Variants in GTF2I observed in about 807,000 individuals in gnomAD.
The protein encoded by GTF2I is general transcription factor IIi.
In GTF2I, 12 loss-of-function variants were observed where a neutral mutation model predicts 67.6. The observed-to-expected ratio is 0.18, with a 90% confidence interval of 0.11 to 0.29. The LOEUF is 0.29. GTF2I is among the 10% of genes least tolerant of loss of function. GTF2I has a pLI of 1.00. For missense variants in GTF2I, 271 were observed against 580.1 expected (o/e 0.47, Z 5.47); for synonymous variants, 149 against 197.0 (o/e 0.76, Z 2.04).
intron 3 of GTF2I, among the ~76,000 whole-genome samples, chr7:74,697,717 T>C (rs1789080959): frequency 6.6e-6 from 1 of 152,174 alleles, no homozygotes; most frequent in South Asian, 2.1e-4. Context: ...TTCATCTAAG[T>C]ATTTTAGATT....
At chr7:74,720,811 C>T (rs926702712) in intron 12 of GTF2I, among the ~76,000 whole-genome samples, 30 of 143,868 alleles carry the variant, frequency 2.1e-4, no homozygotes, top group Middle Eastern at 3.9e-3. Flanking sequence ...GGTGCGATCT[C>T]GGCTCACTGC....
chr7:74,673,456 A>G (rs1805627358), intron 1 of GTF2I, among the ~76,000 whole-genome samples: 1 of 152,026 alleles, frequency 6.6e-6, no homozygotes, highest in South Asian at 2.1e-4. Flanking sequence ...ACCTCAGCTC[A>G]CTGCAACCTC....
chr7:74,723,070 T>C (rs931822676), intron 12 of GTF2I, among the ~76,000 whole-genome samples: 3 of 152,000 alleles, frequency 2.0e-5, no homozygotes, highest in African/African-American at 7.2e-5. Flanking sequence ...ATTCATATGT[T>C]CATTTAATCC....
chr7:74,732,688 C>T (rs782655408), intron 15 of GTF2I, 26 bp downstream of exon 15: 36 of 1,531,394 alleles, frequency 2.4e-5, no homozygotes, highest in Admixed American at 4.5e-5. Context: ...TCCTGTTGAA[C>T]TCTTGTCTCT....
At chr7:74,675,105 G>A (rs1000073094) in intron 1 of GTF2I, among the ~76,000 whole-genome samples, 1 of 152,076 alleles carries the variant, frequency 6.6e-6, no homozygotes, top group Non-Finnish European at 1.5e-5. Flanking sequence ...CACCCACCTC[G>A]GCCTCCCAAA....
intron 19 of GTF2I, among the ~76,000 whole-genome samples, chr7:74,738,984 C>A (rs1273398292): frequency 5.8e-5 from 1 of 17,124 alleles, no homozygotes; most frequent in African/African-American, 1.5e-4. Context: ...ATGTTATTTT[C>A]TTTATTAGAG....
Position 74,730,968 on chromosome 7 carries a change from A to C in GTF2I, c.1120+674A>C, listed in dbSNP as rs587688292. On this transcript the variant is annotated intron_variant, in intron 14 of 34. Transcript: ENST00000573035. ...GTGATCCTCCCGCCTTGGCCTCCCA[A>C]AGTGCTAGCATTACAGGCGTGAGCC... is the stretch of plus-strand genomic sequence containing the variant. Among the ~76,000 whole-genome samples the C allele has an allele frequency of 4.8e-3, 604 of 124,642 alleles. 9 individuals are homozygous for C. Among genetic ancestry groups the C allele is most frequent in the African/African-American group, 0.018 (576 of 32,706 alleles). 81.8% of individuals were successfully genotyped at this position (124,642 alleles called of 152,430 possible). A position where few individuals can be genotyped will look rare whatever the true frequency, so the allele number is the denominator to read the frequency against.
intron 7 of GTF2I, 36 bp downstream of exon 7, chr7:74,705,254 A>C (rs1371226119): frequency 1.6e-6 from 2 of 1,271,180 alleles, no homozygotes; most frequent in Non-Finnish European, 2.3e-6. Flanking sequence ...TTTAACTCCC[A>C]CACCTCAAAA....
chr7:74,688,399 GT>G (rs1229858493), intron 1 of GTF2I, among the ~76,000 whole-genome samples: 5 of 152,078 alleles, frequency 3.3e-5, no homozygotes, highest in African/African-American at 1.2e-4. Flanking sequence ...TATATGGTGT[GT>G]TGTTTTCATT....
chr7:74,758,675 CCTT>C (rs1796215330), intron 33 of GTF2I, 102 bp from the exon 34 acceptor site: 12 of 495,882 alleles, frequency 2.4e-5, no homozygotes, highest in South Asian at 9.6e-5. Flanking sequence ...GGTGTCTTGT[CCTT>C]CTTATTAAAC....
intron 8 of GTF2I, 143 bp downstream of exon 8, chr7:74,706,576 T>C (rs1254367861): frequency 3.2e-6 from 2 of 624,752 alleles, no homozygotes; most frequent in Non-Finnish European, 5.6e-6. Flanking sequence ...TGTGACACTA[T>C]TTGTTAATGT....
intron 1 of GTF2I, among the ~76,000 whole-genome samples, chr7:74,685,846 G>A (rs1314129171): frequency 3.3e-5 from 5 of 150,818 alleles, no homozygotes; most frequent in African/African-American, 1.2e-4. Context: ...GAGGTCAGGA[G>A]ATCGATACCA....
intron 1 of GTF2I, among the ~76,000 whole-genome samples, chr7:74,688,103 C>G (rs2131281647): frequency 6.6e-6 from 1 of 152,024 alleles, no homozygotes; most frequent in South Asian, 2.1e-4. Context: ...GTGTGTGTGA[C>G]AGGCTCACTC....
chr7:74,688,800 GC>G (rs1554396081), intron 1 of GTF2I: 1 of 250,410 alleles, frequency 4.0e-6, no homozygotes, highest in African/African-American at 2.2e-5. Context: ...AGTTGTGGTT[GC>G]CCGTCACTGG....
chr7:74,663,978 C>T (rs138868648), intron 1 of GTF2I, among the ~76,000 whole-genome samples: 4,027 of 151,604 alleles, frequency 0.027, 70 homozygotes, highest in Non-Finnish European at 0.042. Flanking sequence ...TATAGGCACC[C>T]GCCACCATGC....
intron 1 of GTF2I, among the ~76,000 whole-genome samples, chr7:74,668,264 A>T (rs1554389347): frequency 6.9e-6 from 1 of 145,870 alleles, no homozygotes; most frequent in Non-Finnish European, 1.5e-5. Flanking sequence ...TGTGTGTTAG[A>T]ATCTCCTTCT....
chr7:74,659,215 T>C (rs1480854711), intron 1 of GTF2I, among the ~76,000 whole-genome samples: 1 of 151,358 alleles, frequency 6.6e-6, no homozygotes, highest in Non-Finnish European at 1.5e-5. Context: ...GAGCCATCGC[T>C]TTCGGCTTAA....
Position 74,698,037 on chromosome 7 carries a change from G to A in GTF2I, c.239-924G>A, listed in dbSNP as rs183798427. Among the ~76,000 whole-genome samples the A allele has an allele frequency of 5.7e-3, 871 of 152,094 alleles. 10 individuals carry two copies. Among genetic ancestry groups the A allele is most frequent in the African/African-American group, 0.02 (827 of 41,524 alleles). On this transcript the variant is annotated intron_variant, in intron 3 of 34. Transcript: ENST00000573035. ...GTGGCGCAATTTCCGCTCGCTGCAA[G>A]CTCCACCTCCCGGGCTCACGCCATT...
chr7:74,675,016 C>G (rs1387165485), intron 1 of GTF2I, among the ~76,000 whole-genome samples: 1 of 151,428 alleles, frequency 6.6e-6, no homozygotes, highest in African/African-American at 2.4e-5. Context: ...CCACACCCAG[C>G]CAATTTTTGT....
Sources: gnomAD v4.1 joint callset for allele counts (sites outside exome capture counted in the v4.1 genomes callset) on GRCh38, gnomAD v4.1.1 for gene constraint, MANE v1.5 for transcripts, NCBI Gene and HGNC (gene_info 2026-07-23, HGNC 2026-07-21) for gene names.